KAT14: variants seen among roughly 807,000 people sequenced by gnomAD.
KAT14 encodes the protein lysine acetyltransferase 14.
In KAT14, 66 loss-of-function variants were observed where a neutral mutation model predicts 78.4. The ratio of observed to expected loss-of-function variants is 0.84; its 90% confidence interval spans 0.69 to 1.03. KAT14 has a LOEUF of 1.03. KAT14 is among the 50% of genes least tolerant of loss of function. The pLI, the probability that KAT14 is intolerant of heterozygous loss-of-function variation, is 0.00. For synonymous variants in KAT14, 344 were observed against 359.4 expected (o/e 0.96, Z 0.48); for missense variants, 870 against 972.5 (o/e 0.89, Z 1.40).
At chr20:18,147,176 T>C (rs2037859945) in intron 3 of KAT14, among the ~76,000 whole-genome samples, 1 of 152,262 alleles carries the variant, frequency 6.6e-6, no homozygotes, top group South Asian at 2.1e-4. Context: ...TAATTATCAG[T>C]GCTTTATTAG....
At chr20:18,157,008 G>GTA (rs1158969259) in intron 4 of KAT14, among the ~76,000 whole-genome samples, 10 of 152,118 alleles carry the variant, frequency 6.6e-5, no homozygotes, top group Non-Finnish European at 1.2e-4. Flanking sequence ...GCATATTCTT[G>GTA]TATATATATC....
chr20:18,137,834 G>T (rs1055955509), upstream of KAT14: 23 of 1,055,956 alleles, frequency 2.2e-5, no homozygotes, highest in African/African-American at 3.9e-4. Flanking sequence ...CGGCGCACGC[G>T]ACGGCTGGGG....
At chr20:18,165,377 G>GGTA (rs2038602162) in intron 7 of KAT14, among the ~76,000 whole-genome samples, 1 of 152,060 alleles carries the variant, frequency 6.6e-6, no homozygotes, top group South Asian at 2.1e-4. Context: ...TCCCAACCCT[G>GGTA]GTACCTATGA....
chr20:18,176,430 A>G (rs1323023177), intron 7 of KAT14, among the ~76,000 whole-genome samples: 1 of 152,206 alleles, frequency 6.6e-6, no homozygotes, highest in Non-Finnish European at 1.5e-5. Context: ...CTAGCTCACC[A>G]GGCAAATAAG....
At chr20:18,179,111 T>G (rs992165698) in intron 7 of KAT14, among the ~76,000 whole-genome samples, 2 of 152,240 alleles carry the variant, frequency 1.3e-5, no homozygotes, top group African/African-American at 2.4e-5. Flanking sequence ...GTCACACTGA[T>G]GCAAAAGGTA....
intron 10 of KAT14, among the ~76,000 whole-genome samples, chr20:18,186,528 T>G (rs1435005338): frequency 1.3e-5 from 2 of 152,208 alleles, no homozygotes; most frequent in Non-Finnish European, 2.9e-5. Flanking sequence ...GGGTTATAAA[T>G]CTCAAGGACT....
At chr20:18,143,131 C>A in intron 2 of KAT14, 1 of 1,297,528 alleles carries the variant, frequency 7.7e-7, no homozygotes, top group Non-Finnish European at 9.8e-7. Context: ...TAAATTAACA[C>A]TTTTGGTGGT....
chr20:18,178,957 AG>A lies in KAT14; in HGVS notation c.1669-2751del, dbSNP rs533545474. On this transcript the variant is annotated intron_variant, in intron 7 of 10. Coordinates refer to ENST00000688188, the MANE Select transcript of KAT14 (RefSeq NM_001392073.1). The stretch of plus-strand genomic sequence containing the variant: ...TACTTCCTAGATACAGTGAGGGTAC[AG>A]GTATTGGGTAAATACAGCAGTTCTA... Among the ~76,000 whole-genome samples the A allele has an allele frequency of 4.8e-4, 73 of 152,334 alleles. 1 individual carries two copies. The highest frequency in any genetic ancestry group is 6.8e-3 in the Middle Eastern group (2 of 294).
chr20:18,142,880 TC>T lies in KAT14; in HGVS notation c.222del (p.Tyr75ThrfsTer15). On this transcript the variant is annotated frameshift_variant, in exon 2 of 11. Transcript: ENST00000688188. LOFTEE classifies it high-confidence loss of function. ...CGTGTCTTGGATGGAGGAGCAGCTG[TC>T]CTACTTCTGTGACAAGTGCCAAAAA... ...GDVSWMEEQL[S>X]YFCDKCQKWI... 1 of 1,614,176 alleles carries T rather than the reference TC, an allele frequency of 6.2e-7. No homozygotes were observed. The highest frequency in any genetic ancestry group is 8.5e-7 in the Non-Finnish European group (1 of 1,180,004).
chr20:18,176,344 G>C (rs924152090), intron 7 of KAT14, among the ~76,000 whole-genome samples: 1 of 152,020 alleles, frequency 6.6e-6, no homozygotes, highest in African/African-American at 2.4e-5. Context: ...TCTAGCAGGG[G>C]ATCTGCTGTG....
rs777155707 is a variant in KAT14, at chr20:18,162,059, G to T, written c.919G>T (p.Glu307Ter). 6.2e-7 allele frequency: 1 copy of T among 1,614,224 alleles called. No individual in the cohort carries two copies. The change falls in exon 6 of 11, where the codon GAA becomes TAA. Residue 307 changes from glutamate (E) to a stop codon, truncating the protein, a stop_gained. Coordinates refer to ENST00000688188, the MANE Select transcript of KAT14 (RefSeq NM_001392073.1). LOFTEE classifies it high-confidence loss of function. ...GCCAGATGTGATTCTGGAAAAAGGC[G>T]AAGTGATTGACTTTTCCTCCTTGAG... ...RRPDVILEKG[E>*]VIDFSSLSSS... is the part of the protein sequence containing the mutation.
intron 7 of KAT14, among the ~76,000 whole-genome samples, chr20:18,178,606 T>C (rs2039130889): frequency 6.6e-6 from 1 of 152,132 alleles, no homozygotes; most frequent in African/African-American, 2.4e-5. Context: ...GTGAGACTTA[T>C]TCACTACCAT....
At chr20:18,148,651 C>G (rs949589184) in intron 3 of KAT14, among the ~76,000 whole-genome samples, 12 of 151,472 alleles carry the variant, frequency 7.9e-5, no homozygotes, top group African/African-American at 2.7e-4. Flanking sequence ...CTCTTGTTGC[C>G]CAGGCTGGAG....
chr20:18,176,511 C>T (rs1006994671), intron 7 of KAT14, among the ~76,000 whole-genome samples: 10 of 152,064 alleles, frequency 6.6e-5, no homozygotes, highest in Admixed American at 1.3e-4. Flanking sequence ...GGAGGAGTAG[C>T]GGGCAGGAGC....
At chr20:18,161,114 C>T (rs1030879272) in intron 5 of KAT14, among the ~76,000 whole-genome samples, 2 of 151,360 alleles carry the variant, frequency 1.3e-5, no homozygotes, top group African/African-American at 4.9e-5. Flanking sequence ...GCGGAGGTTG[C>T]AGTGAGCCGA....
Position 18,145,501 on chromosome 20 carries a change from A to C in KAT14, c.378+150A>C, listed in dbSNP as rs562536063. 2.6e-4 allele frequency: 329 copies of C among 1,268,536 alleles called. 4 individuals are homozygous for C. In the South Asian group the frequency reaches 4.6e-3, roughly 18 times the overall value. 78.6% of individuals were successfully genotyped at this position (1,268,536 alleles called of 1,614,324 possible). On this transcript the variant is annotated intron_variant, in intron 3 of 10. Transcript: ENST00000688188. Reference sequence around the variant, plus strand: ...GAAATTAGATACCGAATATGTGGAGAAGGGAGTGAAAAATACTCGCTGTAA... The same window carrying C: ...GAAATTAGATACCGAATATGTGGAGCAGGGAGTGAAAAATACTCGCTGTAA...
chr20:18,177,008 G>A (rs1226620735), intron 7 of KAT14, among the ~76,000 whole-genome samples: 1 of 152,218 alleles, frequency 6.6e-6, no homozygotes, highest in Non-Finnish European at 1.5e-5. Context: ...AACTTACCTT[G>A]AGGCATTAAC....
chr20:18,178,794 C>A (rs923552341), intron 7 of KAT14, among the ~76,000 whole-genome samples: 1 of 152,132 alleles, frequency 6.6e-6, no homozygotes, highest in African/African-American at 2.4e-5. Context: ...CACTAAAAAA[C>A]CAATCATGCC....
Position 18,161,978 on chromosome 20 carries a change from T to C in KAT14, c.838T>C (p.Phe280Leu). Residue 280 changes from phenylalanine (F) to leucine (L), a missense_variant, in exon 6 of 11, where the codon TTT becomes CTT. Phe to Leu is a conservative substitution (Grantham distance 22). Transcript: ENST00000688188. ...AAGAGCCCAGAAGGAGGCCGCTGGC[T>C]TTCTTGACAGGAGCACATCTTCTAC... is the stretch of plus-strand genomic sequence containing the variant. The part of the protein sequence containing the change: ...IRRAQKEAAG[F>L]LDRSTSSTPV... The C allele has an allele frequency of 6.2e-7, 1 of 1,614,256 alleles. No individual in the cohort carries two copies. The highest frequency in any genetic ancestry group is 8.5e-7 in the Non-Finnish European group (1 of 1,180,058).
Sources: allele counts gnomAD v4.1 joint callset (sites outside exome capture counted in the v4.1 genomes callset), GRCh38; gene constraint gnomAD v4.1.1; transcripts MANE v1.5; gene names NCBI Gene and HGNC (gene_info 2026-07-23, HGNC 2026-07-21).